Variants in TENM2 observed in about 807,000 individuals in gnomAD.
TENM2 encodes the protein teneurin transmembrane protein 2, also known as teneurin-2.
TENM2 carries 52 observed loss-of-function variants against 245.2 expected under a neutral mutation model. The ratio of observed to expected loss-of-function variants is 0.21; its 90% CI spans 0.17 to 0.27. The LOEUF is 0.27. Ranked by LOEUF, TENM2 falls within the 10% of genes least tolerant of loss-of-function variation. TENM2 has a pLI of 1.00. For synonymous variants in TENM2, 1,363 were observed against 1,438.9 expected (o/e 0.95, Z 1.19); for missense variants, 3,046 against 3,666.8 (o/e 0.83, Z 4.37).
chr5:167,722,850 A>G (rs141071091), intron 2 of TENM2, among the ~76,000 whole-genome samples: 2 of 152,276 alleles, frequency 1.3e-5, no homozygotes, highest in East Asian at 1.9e-4. Context: ...TTCTACTTCA[A>G]TTTTAGGTCT....
At chr5:167,198,665 T>C in the TENM2 span, among the ~76,000 whole-genome samples, 1 of 151,992 alleles carries the variant, frequency 6.6e-6, no homozygotes. Context: ...AGAGATCATC[T>C]CCAAATTTCA....
At chr5:167,027,431 A>C in the TENM2 span, among the ~76,000 whole-genome samples, 4 of 152,188 alleles carry the variant, frequency 2.6e-5, no homozygotes, top group Non-Finnish European at 5.9e-5. Context: ...AAAGCTCATG[A>C]AATGCTTATC....
At chr5:167,485,292 G>A (rs1325763877) in intron 2 of TENM2, among the ~76,000 whole-genome samples, 1 of 152,146 alleles carries the variant, frequency 6.6e-6, no homozygotes, top group Non-Finnish European at 1.5e-5. Flanking sequence ...AAGAAGCGGA[G>A]ACACTAATGC....
At chr5:167,390,249 C>T (rs1345941981) in intron 2 of TENM2, among the ~76,000 whole-genome samples, 1 of 152,162 alleles carries the variant, frequency 6.6e-6, no homozygotes, top group Non-Finnish European at 1.5e-5. Flanking sequence ...AGAAGAAATG[C>T]TAGCTCTGAG....
At chr5:168,098,228 T>TC in intron 9 of TENM2, 101 bp downstream of exon 11, 1 of 791,298 alleles carries the variant, frequency 1.3e-6, no homozygotes, top group Non-Finnish European at 2.1e-6. Flanking sequence ...TCCCATCAAA[T>TC]CCCCCGAGAC....
At position 167,454,121 on chromosome 5, in the gene TENM2, G is replaced by T. The variant is rs1464511207; in HGVS notation, c.502+78648G>T. On this transcript the variant is annotated intron_variant, in intron 2 of 28. Coordinates refer to ENST00000518659, the Ensembl canonical transcript of TENM2. ...TTATGGGGTCACAGGAGATCACCAAGAAAGGTATATTAAAGGCATGACAGA... is the reference window on the plus strand; with the variant it reads ...TTATGGGGTCACAGGAGATCACCAATAAAGGTATATTAAAGGCATGACAGA... Among the ~76,000 whole-genome samples the T allele has an allele frequency of 2.0e-5, 3 of 152,114 alleles. No individual in the cohort carries two copies. In the South Asian group the frequency reaches 6.2e-4, roughly 32 times the overall value.
At chr5:167,044,036 A>AAG in the TENM2 span, among the ~76,000 whole-genome samples, 25 of 128,594 alleles carry the variant, frequency 1.9e-4, 1 homozygote, top group East Asian at 2.1e-3. Context: ...TAGTAAGGAC[A>AAG]GAAGGAAGGA....
chr5:167,480,753 C>G (rs1393934214), intron 2 of TENM2, among the ~76,000 whole-genome samples: 1 of 152,138 alleles, frequency 6.6e-6, no homozygotes, highest in Non-Finnish European at 1.5e-5. Flanking sequence ...CTCCCTAACC[C>G]TTTAGAGCAT....
At chr5:168,057,046 A>G (rs1789603041) in intron 6 of TENM2, among the ~76,000 whole-genome samples, 1 of 152,150 alleles carries the variant, frequency 6.6e-6, no homozygotes, top group South Asian at 2.1e-4. Context: ...CTGTATATAT[A>G]TAGAGAGAAA....
intron 2 of TENM2, among the ~76,000 whole-genome samples, chr5:167,848,609 A>G (rs1052477815): frequency 6.6e-6 from 1 of 152,216 alleles, no homozygotes; most frequent in African/African-American, 2.4e-5. Context: ...ATGTAGAGCC[A>G]TCCTCTTAAT....
intron 2 of TENM2, among the ~76,000 whole-genome samples, chr5:167,870,024 G>A (rs1478465229): frequency 2.6e-5 from 4 of 152,124 alleles, no homozygotes; most frequent in Non-Finnish European, 5.9e-5. Flanking sequence ...TAAATAGCAG[G>A]TATTAGGAAA....
intron 2 of TENM2, among the ~76,000 whole-genome samples, chr5:167,581,924 A>G (rs527514189): frequency 4.2e-4 from 64 of 152,222 alleles, no homozygotes; most frequent in African/African-American, 1.5e-3. Context: ...TGAGAGAGAA[A>G]AAAAAAAAAT....
intron 1 of TENM2, among the ~76,000 whole-genome samples, chr5:167,302,955 A>C (rs1044121566): frequency 2.0e-5 from 3 of 152,164 alleles, no homozygotes; most frequent in Admixed American, 2.0e-4. Flanking sequence ...GCAGTGCTGG[A>C]GTTTTGGGTC....
intron 2 of TENM2, among the ~76,000 whole-genome samples, chr5:167,383,577 C>T (rs1397051692): frequency 7.9e-5 from 12 of 151,910 alleles, no homozygotes; most frequent in Admixed American, 7.2e-4. Flanking sequence ...GTCTTTCCCC[C>T]AACATCTTCC....
chr5:167,145,893 C>T, the TENM2 span, among the ~76,000 whole-genome samples: 1 of 152,148 alleles, frequency 6.6e-6, no homozygotes, highest in Non-Finnish European at 1.5e-5. Context: ...CTTTACAGCT[C>T]GTTCACCTAT....
At chr5:167,104,707 A>G in the TENM2 span, among the ~76,000 whole-genome samples, 1 of 152,160 alleles carries the variant, frequency 6.6e-6, no homozygotes, top group Non-Finnish European at 1.5e-5. Context: ...TATGAGGTTA[A>G]TTTACATTGT....
intron 2 of TENM2, among the ~76,000 whole-genome samples, chr5:167,591,611 G>A (rs1775881727): frequency 6.6e-6 from 1 of 152,196 alleles, no homozygotes; most frequent in South Asian, 2.1e-4. Context: ...GTAGGCGGCA[G>A]TATTATACAA....
At chr5:167,768,458 C>T (rs765400415) in intron 2 of TENM2, among the ~76,000 whole-genome samples, 26 of 152,140 alleles carry the variant, frequency 1.7e-4, no homozygotes, top group Non-Finnish European at 3.2e-4. Context: ...CCATATAAGA[C>T]TTAACGATCT....
intron 2 of TENM2, among the ~76,000 whole-genome samples, chr5:167,572,065 G>A (rs1774301694): frequency 6.6e-6 from 1 of 152,192 alleles, no homozygotes; most frequent in African/African-American, 2.4e-5. Context: ...TCCATTCTCT[G>A]CTCTGCCTTA....
Sources: allele counts gnomAD v4.1 joint callset (sites outside exome capture counted in the v4.1 genomes callset), GRCh38; gene constraint gnomAD v4.1.1; transcripts MANE v1.5; gene names NCBI Gene and HGNC (gene_info 2026-07-23, HGNC 2026-07-21).